ATXN1: variants seen among roughly 807,000 people sequenced by gnomAD.
ATXN1 encodes ataxin 1, also known as ataxin-1.
ATXN1 carries 8 observed loss-of-function variants against 56.4 expected under a neutral mutation model. The ratio of observed to expected loss-of-function variants is 0.14; its 90% CI spans 0.08 to 0.26. The LOEUF (loss-of-function observed/expected upper bound fraction) is 0.26. ATXN1 is among the 10% of genes least tolerant of loss of function. The probability of loss-of-function intolerance (pLI) is 1.00; values close to 1 mark genes in which losing one functional copy is unlikely to be tolerated. For missense variants in ATXN1, 987 were observed against 1,106.5 expected (o/e 0.89, Z 1.53); for synonymous variants, 514 against 494.6 (o/e 1.04, Z -0.52).
At chr6:16,554,051 G>A (rs976726954) in intron 4 of ATXN1, among the ~76,000 whole-genome samples, 9 of 152,298 alleles carry the variant, frequency 5.9e-5, no homozygotes, top group African/African-American at 2.2e-4. Flanking sequence ...TTTTAAAGAA[G>A]AAGATATCTT....
intron 4 of ATXN1, among the ~76,000 whole-genome samples, chr6:16,539,116 C>G (rs1437851943): frequency 6.6e-6 from 1 of 152,180 alleles, no homozygotes; most frequent in Non-Finnish European, 1.5e-5. Context: ...TCAGCAACAG[C>G]AGGGATGCTG....
At chr6:16,426,608 T>C (rs891572774) in intron 6 of ATXN1, among the ~76,000 whole-genome samples, 1 of 56,260 alleles carries the variant, frequency 1.8e-5, no homozygotes, top group African/African-American at 6.9e-5. Flanking sequence ...TGTGTCTGTA[T>C]GTGTGTGTGT....
At chr6:16,537,533 T>C (rs1233350052) in intron 4 of ATXN1, among the ~76,000 whole-genome samples, 4 of 151,356 alleles carry the variant, frequency 2.6e-5, no homozygotes, top group Non-Finnish European at 5.9e-5. Context: ...AGTGAAACAC[T>C]GTCACTACTA....
intron 6 of ATXN1, among the ~76,000 whole-genome samples, chr6:16,426,141 T>C (rs1759148620): frequency 6.6e-6 from 1 of 152,098 alleles, no homozygotes; most frequent in Non-Finnish European, 1.5e-5. Context: ...GGGAAAAAAA[T>C]CTGCAAACCT....
intron 4 of ATXN1, among the ~76,000 whole-genome samples, chr6:16,541,138 T>C (rs1761706385): frequency 6.6e-6 from 1 of 152,114 alleles, no homozygotes; most frequent in Non-Finnish European, 1.5e-5. Flanking sequence ...GCTGCCCCGG[T>C]CAATAGAGGC....
chr6:16,707,312 T>C (rs1305853061), intron 2 of ATXN1, among the ~76,000 whole-genome samples: 1 of 152,036 alleles, frequency 6.6e-6, no homozygotes, highest in Non-Finnish European at 1.5e-5. Flanking sequence ...TAGGAAAAAA[T>C]AAAAGAAATC....
Position 16,552,994 on chromosome 6 carries a change from T to G in ATXN1, c.-360-30306A>C, listed in dbSNP as rs182265880. 1.9e-4 allele frequency among the ~76,000 whole-genome samples: 29 copies of G among 152,354 alleles called. No individual in the cohort carries two copies. In the East Asian group the frequency reaches 5.0e-3, roughly 26 times the overall value. On this transcript the variant is annotated intron_variant, in intron 4 of 7. Transcript: ENST00000436367. ...GCTTCGACTTCAGGAGACCTCCTTG[T>G]GGGCAATCGCACAGATACCATGACT... is the stretch of plus-strand genomic sequence containing the variant.
rs60416047 is a variant in ATXN1, at chr6:16,569,528, G to GAAA, written c.-361+16249_-361+16251dup. Among the ~76,000 whole-genome samples the GAAA allele has an allele frequency of 2.9e-3, 275 of 96,334 alleles. 11 individuals are homozygous for GAAA. The highest frequency in any genetic ancestry group is 0.016 in the East Asian group (54 of 3,296). The allele number at this position is 96,334 out of a possible 152,430, so 63.2% of individuals were successfully genotyped here. ...GGCGACAGAGTGAGACTCCGTCTCA[G>GAAA]AAAAAAAAAAAAAAAAAACAGTTCC... On this transcript the variant is annotated intron_variant, in intron 4 of 7. Coordinates refer to ENST00000436367, the MANE Select transcript of ATXN1 (RefSeq NM_001128164.2).
At chr6:16,430,190 T>C (rs1000494742) in intron 6 of ATXN1, among the ~76,000 whole-genome samples, 8 of 152,096 alleles carry the variant, frequency 5.3e-5, no homozygotes, top group Non-Finnish European at 5.9e-5. Flanking sequence ...TGAAGTGGCA[T>C]TTATCCACTA....
rs577011991 is a variant in ATXN1 at position 16,363,980 on chromosome 6, C to T, written c.-160-35510G>A. Among the ~76,000 whole-genome samples, 19 of 152,278 alleles carry T rather than the reference C, an allele frequency of 1.2e-4. No individual in the cohort carries two copies. In the East Asian group the frequency reaches 2.9e-3, roughly 23 times the overall value. On this transcript the variant is annotated intron_variant, in intron 6 of 7. Coordinates refer to ENST00000436367, the MANE Select transcript of ATXN1 (RefSeq NM_001128164.2). ...GGAATTTCTCAGGGAATCCATGTTC[C>T]GCTGGCTCTAGAAATGATTTTGATT...
intron 3 of ATXN1, among the ~76,000 whole-genome samples, chr6:16,600,797 A>G (rs529803122): frequency 6.6e-6 from 1 of 152,368 alleles, no homozygotes; most frequent in South Asian, 2.1e-4. Flanking sequence ...TAAGTTATGA[A>G]TTAGGCAGCA....
At chr6:16,345,824 G>A (rs1264824042) in intron 6 of ATXN1, among the ~76,000 whole-genome samples, 1 of 152,234 alleles carries the variant, frequency 6.6e-6, no homozygotes, top group Admixed American at 6.5e-5. Context: ...GCTCACATGC[G>A]GCCCAGCACA....
chr6:16,515,793 T>C (rs981805503), intron 5 of ATXN1, among the ~76,000 whole-genome samples: 5 of 152,164 alleles, frequency 3.3e-5, no homozygotes, highest in Non-Finnish European at 5.9e-5. Context: ...AGATGAAAGA[T>C]GAAAGCATGA....
chr6:16,327,278 C>G lies in ATXN1; in HGVS notation c.1033G>C (p.Gly345Arg). The G allele has an allele frequency of 3.1e-6, 5 of 1,613,390 alleles. No homozygotes were observed. Among genetic ancestry groups the G allele is most frequent in the Non-Finnish European group, 4.2e-6 (5 of 1,179,846 alleles). ...GGAACCGACTTGCCGCCTGCCTTGCCCAGGCCCAGGTCGGCTGAGGACGGG... is the reference window on the plus strand; with the variant it reads ...GGAACCGACTTGCCGCCTGCCTTGCGCAGGCCCAGGTCGGCTGAGGACGGG... ...GAPSSADLGL[G>R]KAGGKSVPHP... The change falls in exon 7 of 8, where the codon GGC (glycine) becomes CGC (arginine). Residue 345 changes from glycine (G) to arginine (R), a missense_variant. Around this residue, in one of 3 missense-constraint regions of ATXN1, gnomAD observed 723 missense variants for 791.7 expected, o/e 0.91. Transcript: ENST00000436367.
At chr6:16,663,436 T>C (rs185908232) in intron 2 of ATXN1, among the ~76,000 whole-genome samples, 7 of 152,300 alleles carry the variant, frequency 4.6e-5, no homozygotes, top group Middle Eastern at 3.4e-3. Context: ...CTATAATTAT[T>C]ATAACAAATT....
chr6:16,610,122 T>C (rs1261679745), intron 3 of ATXN1, among the ~76,000 whole-genome samples: 1 of 152,048 alleles, frequency 6.6e-6, no homozygotes, highest in African/African-American at 2.4e-5. Context: ...TAGATGCTAA[T>C]GGATACAGGA....
chr6:16,701,853 G>T (rs1181905873), intron 2 of ATXN1, among the ~76,000 whole-genome samples: 1 of 152,136 alleles, frequency 6.6e-6, no homozygotes, highest in East Asian at 1.9e-4. Context: ...ACAAATGGAA[G>T]AACATTCCAT....
chr6:16,582,035 G>C (rs1201083330), intron 4 of ATXN1, among the ~76,000 whole-genome samples: 4 of 152,190 alleles, frequency 2.6e-5, no homozygotes. Context: ...GTGCATTCGA[G>C]GGGTGTTAGA....
intron 4 of ATXN1, among the ~76,000 whole-genome samples, chr6:16,556,439 C>T (rs1400219073): frequency 6.6e-6 from 1 of 152,188 alleles, no homozygotes; most frequent in Non-Finnish European, 1.5e-5. Flanking sequence ...ACAATTGCTG[C>T]CTTCTTCCTT....
Sources: allele counts gnomAD v4.1 joint callset (sites outside exome capture counted in the v4.1 genomes callset), GRCh38; gene constraint gnomAD v4.1.1; regional missense constraint gnomAD v4.1.1; transcripts MANE v1.5; gene names NCBI Gene and HGNC (gene_info 2026-07-23, HGNC 2026-07-21).